The following GRIP1 variants were observed in gnomAD, a reference collection of about 807,000 sequenced individuals.
The protein encoded by GRIP1 is glutamate receptor-interacting protein 1.
In GRIP1, 45 loss-of-function variants were observed where a neutral mutation model predicts 129.9. The observed-to-expected ratio is 0.35, with a 90% CI of 0.27 to 0.44. GRIP1 has a LOEUF of 0.44. GRIP1 is among the 20% of genes least tolerant of loss of function. The pLI is 1.00. For missense variants in GRIP1, 1,196 were observed against 1,396.8 expected (o/e 0.86, Z 2.29); for synonymous variants, 530 against 520.8 (o/e 1.02, Z -0.24).
At chr12:66,388,385 C>T (rs2056446069) in intron 19 of GRIP1, among the ~76,000 whole-genome samples, 1 of 152,112 alleles carries the variant, frequency 6.6e-6, no homozygotes. Flanking sequence ...AGAAATATAG[C>T]TATCTGAGTT....
At chr12:66,575,950 A>G (rs998763488) in intron 2 of GRIP1, among the ~76,000 whole-genome samples, 2 of 152,226 alleles carry the variant, frequency 1.3e-5, no homozygotes, top group Non-Finnish European at 2.9e-5. Context: ...TCAAGTTTCT[A>G]GAGTCAGATA....
chr12:66,379,168 C>G (rs1490099309), intron 20 of GRIP1, 112 bp downstream of exon 20: 22 of 1,191,624 alleles, frequency 1.8e-5, no homozygotes, highest in African/African-American at 3.0e-5. Context: ...ATTATGGTGG[C>G]TTTAAGAAGC....
chr12:66,969,913 C>T (rs2042048385), intron 1 of GRIP1, among the ~76,000 whole-genome samples: 1 of 152,170 alleles, frequency 6.6e-6, no homozygotes, highest in South Asian at 2.1e-4. Context: ...CATCGCTCCA[C>T]TTACATCACC....
intron 14 of GRIP1, among the ~76,000 whole-genome samples, chr12:66,426,400 T>A (rs1186755866): frequency 6.6e-6 from 1 of 152,162 alleles, no homozygotes; most frequent in Admixed American, 6.6e-5. Context: ...AGAAGTTTAG[T>A]TTTTTCATTT....
chr12:66,760,098 T>C (rs1592817375), intron 1 of GRIP1, among the ~76,000 whole-genome samples: 1 of 152,078 alleles, frequency 6.6e-6, no homozygotes, highest in Non-Finnish European at 1.5e-5. Context: ...TTGTGATCCA[T>C]GTGCCTTAGC....
At chr12:66,433,478 T>C (rs2058210381) in intron 13 of GRIP1, among the ~76,000 whole-genome samples, 1 of 152,100 alleles carries the variant, frequency 6.6e-6, no homozygotes. Context: ...GGCCAGTCAG[T>C]ATAGAAGTAA....
intron 11 of GRIP1, among the ~76,000 whole-genome samples, chr12:66,454,944 AT>A (rs1463111085): frequency 2.0e-5 from 3 of 152,224 alleles, no homozygotes; most frequent in Non-Finnish European, 4.4e-5. Context: ...ATAATTTAGT[AT>A]AAAATTTATG....
chr12:66,682,346 G>A (rs1234767522), upstream of GRIP1, among the ~76,000 whole-genome samples: 1 of 152,112 alleles, frequency 6.6e-6, no homozygotes, highest in Non-Finnish European at 1.5e-5. Flanking sequence ...CGTATCAAGT[G>A]TTTACAGGAA....
chr12:66,658,488 G>A (rs537441502), intron 1 of GRIP1, among the ~76,000 whole-genome samples: 1 of 152,252 alleles, frequency 6.6e-6, no homozygotes, highest in East Asian at 1.9e-4. Flanking sequence ...AGCTGGGGCA[G>A]GAGAATGGCG....
chr12:67,029,343 G>C (rs1297635003), intron 1 of GRIP1, among the ~76,000 whole-genome samples: 2 of 151,962 alleles, frequency 1.3e-5, no homozygotes, highest in Non-Finnish European at 2.9e-5. Flanking sequence ...TGAACTCCTG[G>C]GCTCAAGCGA....
chr12:66,349,091 C>T lies in GRIP1; in HGVS notation c.3315G>A (p.Gln1105=). The change falls in exon 25 of 25, where the codon CAG becomes CAA. Residue 1105 remains glutamine (Q), a synonymous_variant. Transcript: ENST00000359742. ...QQSLPGDWSE[Q]NSAFFQQPSH... Reference sequence around the variant, plus strand: ...TAGGCTGCTGGAAAAAAGCACTGTTCTGTTCACTCCAATCTCCTGGTAGAC... The same window carrying T: ...TAGGCTGCTGGAAAAAAGCACTGTTTTGTTCACTCCAATCTCCTGGTAGAC... The T allele has an allele frequency of 6.2e-7, 1 of 1,614,136 alleles. No individual in the cohort carries two copies. Among genetic ancestry groups the T allele is most frequent in the Non-Finnish European group, 8.5e-7 (1 of 1,179,990 alleles).
chr12:67,001,052 G>A (rs2042543854), intron 1 of GRIP1, among the ~76,000 whole-genome samples: 1 of 152,150 alleles, frequency 6.6e-6, no homozygotes, highest in Non-Finnish European at 1.5e-5. Context: ...CTATATTTCT[G>A]AAACCATCTT....
In GRIP1 at chr12:66,474,551, G is replaced by C. The variant is rs1285390443; in HGVS notation, c.725-9129C>G. ...TCAGATTCACCAGAGTTGAAATGAA[G>C]GAAAAAATGTTAAGGGCAGCCAGAG... On this transcript the variant is annotated intron_variant, in intron 7 of 24. Transcript: ENST00000359742. 2.6e-5 allele frequency among the ~76,000 whole-genome samples: 4 copies of C among 152,090 alleles called. 1 individual carries two copies. Among genetic ancestry groups the C allele is most frequent in the African/African-American group, 9.7e-5 (4 of 41,420 alleles).
At chr12:66,551,351 C>T (rs998835373) in intron 2 of GRIP1, among the ~76,000 whole-genome samples, 18 of 152,186 alleles carry the variant, frequency 1.2e-4, no homozygotes, top group African/African-American at 4.3e-4. Flanking sequence ...AACAGCTCAA[C>T]GTATGCTGCT....
rs1272756943 is a variant in GRIP1, at chr12:66,663,822, T to C, written c.55+15028A>G. Among the ~76,000 whole-genome samples the C allele has an allele frequency of 3.3e-5, 5 of 152,356 alleles. No individual in the cohort carries two copies. The East Asian group carries it at 9.6e-4, about 29-fold the overall frequency. ...CAAAATTCACTGCAACGTTTTCCGT[T>C]TGCACCTGCCAAGTGTGCACTTGAA... On this transcript the variant is annotated intron_variant, in intron 1 of 24. Transcript: ENST00000359742.
At chr12:66,508,499 T>C (rs929162292) in intron 7 of GRIP1, among the ~76,000 whole-genome samples, 8 of 152,066 alleles carry the variant, frequency 5.3e-5, no homozygotes, top group Admixed American at 5.2e-4. Context: ...CTCCTTCCTC[T>C]CTCAAAAGGA....
At chr12:66,487,174 A>G (rs1315549657) in intron 7 of GRIP1, among the ~76,000 whole-genome samples, 1 of 152,144 alleles carries the variant, frequency 6.6e-6, no homozygotes, top group Non-Finnish European at 1.5e-5. Flanking sequence ...CTCATTGCAC[A>G]AGCTCTGGAA....
chr12:66,579,868 C>A (rs1398619415), intron 2 of GRIP1, among the ~76,000 whole-genome samples: 1 of 149,902 alleles, frequency 6.7e-6, no homozygotes, highest in Non-Finnish European at 1.5e-5. Context: ...CCCAATCTAG[C>A]AAGGCAGGCC....
chr12:66,843,982 G>A (rs1314987056), intron 1 of GRIP1, among the ~76,000 whole-genome samples: 2 of 152,056 alleles, frequency 1.3e-5, no homozygotes, highest in Non-Finnish European at 2.9e-5. Flanking sequence ...AAGCTTCCAT[G>A]CATGAAATAA....
Sources: allele counts gnomAD v4.1 joint callset (sites outside exome capture counted in the v4.1 genomes callset), GRCh38; gene constraint gnomAD v4.1.1; transcripts MANE v1.5; gene names NCBI Gene and HGNC (gene_info 2026-07-23, HGNC 2026-07-21).